Variants in EHBP1 observed in about 807,000 individuals in gnomAD.
EHBP1 encodes EH domain-binding protein 1.
In EHBP1, 55 loss-of-function variants were observed where a neutral mutation model predicts 144.0. The ratio of observed to expected loss-of-function variants is 0.38; its 90% CI spans 0.31 to 0.48. The LOEUF (loss-of-function observed/expected upper bound fraction) is 0.48, where lower values mean the gene tolerates loss of function less well. Among genes scored for constraint, EHBP1 ranks in the 20% least tolerant of loss-of-function variants. The pLI is 0.98. For synonymous variants in EHBP1, 469 were observed against 472.7 expected (o/e 0.99, Z 0.10); for missense variants, 1,200 against 1,364.2 (o/e 0.88, Z 1.90).
At chr2:62,886,762 C>T (rs1291476940) in intron 10 of EHBP1, among the ~76,000 whole-genome samples, 1 of 152,106 alleles carries the variant, frequency 6.6e-6, no homozygotes, top group Non-Finnish European at 1.5e-5. Flanking sequence ...CTGGAATTTC[C>T]TACCTCCCCT....
At chr2:62,935,648 C>A (rs1025973588) in intron 10 of EHBP1, among the ~76,000 whole-genome samples, 3 of 151,814 alleles carry the variant, frequency 2.0e-5, no homozygotes, top group African/African-American at 7.3e-5. Context: ...TTGTAAATAA[C>A]GTTTTACAAT....
chr2:63,006,563 C>T (rs1440204846), intron 19 of EHBP1, among the ~76,000 whole-genome samples: 2 of 151,782 alleles, frequency 1.3e-5, no homozygotes, highest in Non-Finnish European at 2.9e-5. Context: ...GTTGCTTAAA[C>T]GTGATATATT....
intron 5 of EHBP1, among the ~76,000 whole-genome samples, chr2:62,799,192 C>T (rs1165477732): frequency 1.3e-5 from 2 of 151,976 alleles, no homozygotes; most frequent in African/African-American, 4.8e-5. Flanking sequence ...TCCATACAAA[C>T]CATGTTATTC....
chr2:62,865,004 TTAGTCTC>T, intron 9 of EHBP1, 33 bp downstream of exon 9: 1 of 1,606,334 alleles, frequency 6.2e-7, no homozygotes, highest in South Asian at 1.1e-5. Flanking sequence ...TCATCACAAG[TTAGTCTC>T]TATGTTACCT....
chr2:62,837,269 C>T (rs1454121233), intron 7 of EHBP1, among the ~76,000 whole-genome samples: 3 of 145,260 alleles, frequency 2.1e-5, no homozygotes, highest in Non-Finnish European at 3.0e-5. Context: ...AAATAAAATA[C>T]TTTACAGACA....
intron 5 of EHBP1, among the ~76,000 whole-genome samples, chr2:62,820,722 T>G (rs1277144587): frequency 2.3e-5 from 3 of 130,740 alleles, no homozygotes; most frequent in Admixed American, 1.7e-4. Context: ...TGTGTGTGTG[T>G]GTGTGTGTGT....
At chr2:62,953,214 T>A in intron 13 of EHBP1, among the ~76,000 whole-genome samples, 1 of 62,518 alleles carries the variant, frequency 1.6e-5, no homozygotes. Context: ...CGAAAGTCCG[T>A]CTCAAAAAAA....
intron 19 of EHBP1, among the ~76,000 whole-genome samples, chr2:63,030,847 G>A (rs1451114261): frequency 7.0e-6 from 1 of 143,462 alleles, no homozygotes; most frequent in African/African-American, 2.6e-5. Context: ...CCAGGCTGGA[G>A]TGCAGTGGTG....
At chr2:62,923,408 G>A (rs930054202) in intron 10 of EHBP1, among the ~76,000 whole-genome samples, 1 of 152,168 alleles carries the variant, frequency 6.6e-6, no homozygotes, top group African/African-American at 2.4e-5. Context: ...GGCTGGCAGA[G>A]CAGCTATGTG....
chr2:62,774,901 A>C (rs2041950123), intron 5 of EHBP1, among the ~76,000 whole-genome samples: 1 of 152,188 alleles, frequency 6.6e-6, no homozygotes, highest in African/African-American at 2.4e-5. Context: ...ATCGCTGTGT[A>C]GTTTACACTC....
chr2:63,040,726 T>C (rs574920338), intron 21 of EHBP1, among the ~76,000 whole-genome samples: 28 of 152,334 alleles, frequency 1.8e-4, no homozygotes, highest in South Asian at 4.1e-4. Flanking sequence ...AGGAGCAGCC[T>C]GTTGATTACA....
chr2:62,735,898 C>T (rs1335308494), intron 2 of EHBP1, among the ~76,000 whole-genome samples: 1 of 152,012 alleles, frequency 6.6e-6, no homozygotes, highest in Non-Finnish European at 1.5e-5. Context: ...TATTGTTTCT[C>T]TATAGGTAAG....
At chr2:62,715,941 C>G (rs2035630044) in intron 2 of EHBP1, among the ~76,000 whole-genome samples, 1 of 152,166 alleles carries the variant, frequency 6.6e-6, no homozygotes, top group South Asian at 2.1e-4. Flanking sequence ...TTAATTAACC[C>G]TATTATCGCT....
chr2:62,948,747 C>G lies in EHBP1; in HGVS notation c.1901C>G (p.Pro634Arg), dbSNP rs2057212251. 1.2e-6 allele frequency: 2 copies of G among 1,613,984 alleles called. No homozygotes were observed. The highest frequency in any genetic ancestry group is 1.7e-5 in the Admixed American group (1 of 60,004). ...SSGRTSGSDD[P>R]GICSNTDSTQ... ...GGAAGGACTTCAGGATCTGATGACCCTGGAATATGTTCCAATACAGATTCA... is the reference window on the plus strand; with the variant it reads ...GGAAGGACTTCAGGATCTGATGACCGTGGAATATGTTCCAATACAGATTCA... The change falls in exon 13 of 23, where the codon CCT becomes CGT. Residue 634 changes from proline (P) to arginine (R), a missense_variant. Pro to Arg is a moderately radical substitution (Grantham distance 103). Around this residue, in one of 6 missense-constraint regions of EHBP1, gnomAD observed 543 missense variants for 513.1 expected, o/e 1.06. Coordinates refer to ENST00000431489, the MANE Select transcript of EHBP1 (RefSeq NM_001142616.3).
chr2:62,717,295 A>G (rs924376209), intron 2 of EHBP1, among the ~76,000 whole-genome samples: 1 of 152,228 alleles, frequency 6.6e-6, no homozygotes, highest in Non-Finnish European at 1.5e-5. Context: ...CAGGGAACTT[A>G]AAATTAGGCA....
At chr2:62,746,132 GTTCTCCTC>G (rs2039127785) in intron 2 of EHBP1, among the ~76,000 whole-genome samples, 1 of 152,006 alleles carries the variant, frequency 6.6e-6, no homozygotes, top group Non-Finnish European at 1.5e-5. Flanking sequence ...GTTGGCTACT[GTTCTCCTC>G]TTGTTAACTT....
intron 13 of EHBP1, among the ~76,000 whole-genome samples, chr2:62,954,692 A>G (rs2153108392): frequency 6.6e-6 from 1 of 152,212 alleles, no homozygotes; most frequent in African/African-American, 2.4e-5. Context: ...AGCTACACTT[A>G]TTTTCTTTTC....
At chr2:62,946,890 G>T (rs2153086111) in intron 12 of EHBP1, among the ~76,000 whole-genome samples, 1 of 152,196 alleles carries the variant, frequency 6.6e-6, no homozygotes, top group Non-Finnish European at 1.5e-5. Flanking sequence ...TCCCCACAAG[G>T]AAGCTAATCA....
At chr2:62,922,090 G>A (rs755005025) in intron 10 of EHBP1, among the ~76,000 whole-genome samples, 38 of 152,216 alleles carry the variant, frequency 2.5e-4, no homozygotes, top group South Asian at 6.2e-4. Flanking sequence ...CAGGAGAATC[G>A]CTTGCACCTG....
Sources: allele counts gnomAD v4.1 joint callset (sites outside exome capture counted in the v4.1 genomes callset), GRCh38; gene constraint gnomAD v4.1.1; regional missense constraint gnomAD v4.1.1; transcripts MANE v1.5; gene names NCBI Gene and HGNC (gene_info 2026-07-23, HGNC 2026-07-21).